PTPN21: variants seen among roughly 807,000 people sequenced by gnomAD.
PTPN21 encodes the protein protein tyrosine phosphatase non-receptor type 21, also known as tyrosine-protein phosphatase non-receptor type 21.
Under a neutral mutation model 131.8 loss-of-function variants are expected in PTPN21, and 77 were observed. That is an observed-to-expected ratio of 0.58 (90% confidence interval 0.49 to 0.71). The LOEUF is 0.71. Among genes scored for constraint, PTPN21 ranks in the 30% least tolerant of loss-of-function variants. PTPN21 has a pLI of 0.00. For missense variants in PTPN21, 1,552 were observed against 1,527.1 expected (o/e 1.02, Z -0.27); for synonymous variants, 715 against 621.3 (o/e 1.15, Z -2.24).
intron 2 of PTPN21, among the ~76,000 whole-genome samples, chr14:88,530,420 C>T (rs1419324296): frequency 1.3e-5 from 2 of 152,068 alleles, no homozygotes; most frequent in Non-Finnish European, 2.9e-5. Flanking sequence ...ATGAATAGAG[C>T]AGTACCTCAC....
intron 2 of PTPN21, among the ~76,000 whole-genome samples, chr14:88,526,417 G>A (rs1265054913): frequency 6.6e-6 from 1 of 151,720 alleles, no homozygotes; most frequent in Admixed American, 6.6e-5. Context: ...AGGCATGGTG[G>A]TGTGCACCTG....
intron 3 of PTPN21, among the ~76,000 whole-genome samples, 174 bp downstream of exon 3, chr14:88,516,918 C>T (rs934619347): frequency 6.6e-6 from 1 of 152,180 alleles, no homozygotes; most frequent in Non-Finnish European, 1.5e-5. Context: ...AGTTACCCAA[C>T]ATGCAGTAAA....
At chr14:88,495,568 G>A (rs1454587219) in intron 10 of PTPN21, among the ~76,000 whole-genome samples, 1 of 152,184 alleles carries the variant, frequency 6.6e-6, no homozygotes, top group Non-Finnish European at 1.5e-5. Context: ...GCTGAGGCAG[G>A]AGAATCACTT....
At position 88,467,854 on chromosome 14, in the gene PTPN21, C is replaced by T; in HGVS notation, c.*283G>A. 1 of 360,770 alleles carries T rather than the reference C, an allele frequency of 2.8e-6. No individual in the cohort carries two copies. Among genetic ancestry groups the T allele is most frequent in the Non-Finnish European group, 5.0e-6 (1 of 200,174 alleles). 22.3% of individuals were successfully genotyped at this position (360,770 alleles called of 1,614,324 possible). On this transcript the variant is annotated 3_prime_UTR_variant, in exon 19 of 19. Coordinates refer to ENST00000556564, the MANE Select transcript of PTPN21 (RefSeq NM_007039.4). ...AAAATAGAGAATTGTCTAGAAAATACAATCTCCAAAATGTGTGCAAGTACT... is the reference window on the plus strand; with the variant it reads ...AAAATAGAGAATTGTCTAGAAAATATAATCTCCAAAATGTGTGCAAGTACT...
chr14:88,495,055 C>G (rs1344244577), intron 10 of PTPN21, among the ~76,000 whole-genome samples: 1 of 134,596 alleles, frequency 7.4e-6, no homozygotes, highest in Non-Finnish European at 1.6e-5. Flanking sequence ...GTGTCAGTGT[C>G]AGGATCTGAT....
chr14:88,539,411 A>G (rs1334691699), intron 2 of PTPN21, among the ~76,000 whole-genome samples: 1 of 151,928 alleles, frequency 6.6e-6, no homozygotes, highest in Non-Finnish European at 1.5e-5. Flanking sequence ...CACCATGGCC[A>G]GCAATATTGT....
chr14:88,502,863 G>A (rs2078031716), intron 6 of PTPN21, among the ~76,000 whole-genome samples: 1 of 152,032 alleles, frequency 6.6e-6, no homozygotes, highest in Non-Finnish European at 1.5e-5. Flanking sequence ...GGAAGGAGAA[G>A]GAGAGAGGTA....
intron 10 of PTPN21, among the ~76,000 whole-genome samples, chr14:88,492,634 C>T (rs1414095964): frequency 1.3e-5 from 2 of 152,212 alleles, no homozygotes; most frequent in African/African-American, 4.8e-5. Context: ...ACTGCTGCTC[C>T]TGCCCAGAGT....
intron 2 of PTPN21, among the ~76,000 whole-genome samples, chr14:88,542,484 A>G (rs1273427906): frequency 6.6e-6 from 1 of 152,182 alleles, no homozygotes; most frequent in Non-Finnish European, 1.5e-5. Context: ...GAAAATAAGG[A>G]CATCTGGTAT....
chr14:88,501,547 T>C (rs1014949977), intron 6 of PTPN21, among the ~76,000 whole-genome samples, 179 bp from the exon 7 acceptor site: 1 of 152,214 alleles, frequency 6.6e-6, no homozygotes, highest in Non-Finnish European at 1.5e-5. Flanking sequence ...ATGTGCTGAA[T>C]GCTGAGGGTA....
chr14:88,543,157 A>T (rs1236742177), intron 2 of PTPN21, among the ~76,000 whole-genome samples: 1 of 152,206 alleles, frequency 6.6e-6, no homozygotes, highest in Non-Finnish European at 1.5e-5. Flanking sequence ...GGCCAAGAAC[A>T]CTTTCTAAAG....
intron 2 of PTPN21, among the ~76,000 whole-genome samples, chr14:88,528,215 T>C (rs959396131): frequency 6.6e-6 from 1 of 152,196 alleles, no homozygotes; most frequent in Non-Finnish European, 1.5e-5. Context: ...GGGAATTGCA[T>C]TGAATTTATA....
chr14:88,488,232 C>T (rs2077766163), intron 10 of PTPN21, among the ~76,000 whole-genome samples: 1 of 152,160 alleles, frequency 6.6e-6, no homozygotes, highest in South Asian at 2.1e-4. Flanking sequence ...GTTGCCCAGC[C>T]TGGGGCAAAA....
At chr14:88,484,149 G>A (rs536475496) in intron 12 of PTPN21, among the ~76,000 whole-genome samples, 1 of 150,414 alleles carries the variant, frequency 6.6e-6, no homozygotes, top group South Asian at 2.1e-4. Context: ...TTGGGCTTAA[G>A]CAATCCTCCT....
intron 8 of PTPN21, among the ~76,000 whole-genome samples, chr14:88,500,107 C>G (rs2077986525): frequency 6.6e-6 from 1 of 151,876 alleles, no homozygotes; most frequent in African/African-American, 2.4e-5. Context: ...TGGTACAAAA[C>G]TAGAGTCAAA....
intron 12 of PTPN21, 110 bp from the exon 13 acceptor site, chr14:88,480,462 A>G: frequency 1.1e-6 from 1 of 897,196 alleles, no homozygotes; most frequent in African/African-American, 1.7e-5. Context: ...GCTTGTAAAA[A>G]TCCCCGCTAG....
intron 2 of PTPN21, among the ~76,000 whole-genome samples, chr14:88,531,420 G>C (rs1595406726): frequency 6.6e-6 from 1 of 152,106 alleles, no homozygotes; most frequent in African/African-American, 2.4e-5. Context: ...AGCCAGGCAT[G>C]GTGGTGCATG....
chr14:88,475,091 CAA>C (rs911194797), intron 13 of PTPN21, among the ~76,000 whole-genome samples: 1 of 139,832 alleles, frequency 7.2e-6, no homozygotes, highest in South Asian at 2.3e-4. Context: ...ACTCCGTCTC[CAA>C]AAAAAAAAAG....
At position 88,472,339 on chromosome 14, in the gene PTPN21, G is replaced by T. The variant is rs1183308188; in HGVS notation, c.2776C>A (p.Arg926=). 1.9e-6 allele frequency: 3 copies of T among 1,613,616 alleles called. No individual in the cohort carries two copies. The highest frequency in any genetic ancestry group is 2.7e-5 in the African/African-American group (2 of 74,998). ...ARLPENAERN[R]FQDVLPYDDV... ...TCATAAGGAAGAACATCTTGGAATC[G>T]ATTTCTTTCTGCATTTTCAGGGAGT... is the stretch of plus-strand genomic sequence containing the variant. The change falls in exon 15 of 19, where the codon CGA becomes AGA. Residue 926 remains arginine, a synonymous_variant. Coordinates refer to ENST00000556564, the MANE Select transcript of PTPN21 (RefSeq NM_007039.4).
Sources: allele counts gnomAD v4.1 joint callset (sites outside exome capture counted in the v4.1 genomes callset), GRCh38; gene constraint gnomAD v4.1.1; transcripts MANE v1.5; gene names NCBI Gene and HGNC (gene_info 2026-07-23, HGNC 2026-07-21).